Variants in KRAS observed in about 807,000 individuals in gnomAD.
The protein encoded by KRAS is GTPase KRas.
In KRAS, 1 loss-of-function variant was observed where a neutral mutation model predicts 21.0. The ratio of observed to expected loss-of-function variants is 0.05; its 90% CI spans 0.02 to 0.23. The LOEUF is 0.23. Among genes scored for constraint, KRAS ranks in the 10% least tolerant of loss-of-function variants. The pLI is 1.00. For missense variants in KRAS, 107 were observed against 221.8 expected, an observed-to-expected ratio of 0.48 and a Z score of 3.29; for synonymous variants, 67 against 72.5, an observed-to-expected ratio of 0.92 and a Z score of 0.39.
intron 2 of KRAS, among the ~76,000 whole-genome samples, chr12:25,228,176 A>ACC (rs1951417685): frequency 9.7e-6 from 1 of 103,558 alleles, no homozygotes; most frequent in African/African-American, 3.7e-5. Flanking sequence ...TTTTTCTTTC[A>ACC]TCTTTTTTTT....
At chr12:25,216,921 G>C (rs1439894874) in intron 4 of KRAS, among the ~76,000 whole-genome samples, 2 of 152,102 alleles carry the variant, frequency 1.3e-5, no homozygotes, top group African/African-American at 4.8e-5. Context: ...TCTTCTAACA[G>C]AAAGGTGAAT....
intron 1 of KRAS, among the ~76,000 whole-genome samples, chr12:25,246,583 T>C (rs767013150): frequency 1.3e-5 from 2 of 150,252 alleles, no homozygotes; most frequent in Admixed American, 6.6e-5. Context: ...ACAAAAAGAT[T>C]AGAGATAAAC....
chr12:25,229,136 A>T (rs7137630), intron 2 of KRAS, among the ~76,000 whole-genome samples: 86,313 of 151,982 alleles, frequency 0.57, 24,733 homozygotes, highest in East Asian at 0.8. Context: ...ACAAAAAAAA[A>T]TTTTTTAAAG....
In KRAS at chr12:25,209,283, A is replaced by T; in HGVS notation, c.*512T>A. On this transcript the variant is annotated 3_prime_UTR_variant, in exon 5 of 5. Transcript: ENST00000311936. ...TTGTGAACAGTGTAACTTTACATTC[A>T]TCAGGGATGACAAACTATAGGACAT... The T allele has an allele frequency of 1.5e-6, 1 of 645,834 alleles. No individual in the cohort carries two copies. Among genetic ancestry groups the T allele is most frequent in the Non-Finnish European group, 2.8e-6 (1 of 359,588 alleles). The allele number at this position is 645,834 out of a possible 1,614,324, so 40.0% of individuals were successfully genotyped here. A position where few individuals can be genotyped will look rare whatever the true frequency, so the allele number is the denominator to read the frequency against.
At chr12:25,237,716 G>C (rs1276852781) in intron 2 of KRAS, among the ~76,000 whole-genome samples, 1 of 152,104 alleles carries the variant, frequency 6.6e-6, no homozygotes, top group South Asian at 2.1e-4. Flanking sequence ...ACTGCATACA[G>C]GACTTTATAC....
intron 3 of KRAS, among the ~76,000 whole-genome samples, chr12:25,226,347 A>C (rs1951391443): frequency 6.6e-6 from 1 of 152,162 alleles, no homozygotes; most frequent in South Asian, 2.1e-4. Flanking sequence ...ACATTCCCTC[A>C]CAATTTTAGG....
At chr12:25,247,381 G>A (rs772674564) in intron 1 of KRAS, among the ~76,000 whole-genome samples, 2 of 152,124 alleles carry the variant, frequency 1.3e-5, no homozygotes, top group Admixed American at 6.5e-5. Context: ...TATCACACAC[G>A]GTCACGGCAT....
chr12:25,246,286 G>A (rs1165423156), intron 1 of KRAS, among the ~76,000 whole-genome samples: 5 of 152,152 alleles, frequency 3.3e-5, no homozygotes, highest in South Asian at 2.1e-4. Context: ...AGCCGGGTGC[G>A]GCGGCTCATG....
In KRAS at chr12:25,209,922, T is replaced by C. The variant is rs369047577; in HGVS notation, c.451-11A>G. On this transcript the variant is annotated splice_polypyrimidine_tract_variant and intron_variant, in intron 4 of 4. Transcript: ENST00000311936. ...GGCATCATCAACACCCTGAAATACA[T>C]AAAAAGTATTAAAATGTGAATATAT... is the stretch of plus-strand genomic sequence containing the variant. 134 of 1,591,780 alleles carry C rather than the reference T, an allele frequency of 8.4e-5. No homozygotes were observed. Among genetic ancestry groups the C allele is most frequent in the Non-Finnish European group, 1.1e-4 (124 of 1,164,380 alleles).
intron 2 of KRAS, among the ~76,000 whole-genome samples, chr12:25,244,372 A>G (rs1205649531): frequency 6.6e-6 from 1 of 152,216 alleles, no homozygotes; most frequent in Non-Finnish European, 1.5e-5. Context: ...CGATATGCTT[A>G]TTTTCCATCT....
chr12:25,240,802 G>A (rs764215951), intron 2 of KRAS, among the ~76,000 whole-genome samples: 1 of 152,044 alleles, frequency 6.6e-6, no homozygotes, highest in Non-Finnish European at 1.5e-5. Context: ...ACCATGACCA[G>A]TAAAGTTTTA....
chr12:25,236,150 C>T (rs571755352), intron 2 of KRAS, among the ~76,000 whole-genome samples: 1 of 151,920 alleles, frequency 6.6e-6, no homozygotes, highest in Non-Finnish European at 1.5e-5. Flanking sequence ...AGAAGTGAAA[C>T]TGGACAATCA....
Position 25,209,177 on chromosome 12 carries a change from AT to A in KRAS, c.*617del. 9.1e-6 allele frequency: 6 copies of A among 660,922 alleles called. No individual in the cohort carries two copies. Among genetic ancestry groups the A allele is most frequent in the Admixed American group, 2.3e-5 (1 of 43,884 alleles). 40.9% of individuals were successfully genotyped at this position (660,922 alleles called of 1,614,324 possible). On this transcript the variant is annotated 3_prime_UTR_variant, in exon 5 of 5. Coordinates refer to ENST00000311936, the MANE Select transcript of KRAS (RefSeq NM_004985.5). ...TTCCATTGCCTTGTAATTTTTTTCC[AT>A]TTTTTTCTTTTTATAGAAAAAATAT... is the stretch of plus-strand genomic sequence containing the variant.
Position 25,208,581 on chromosome 12 carries a change from T to TA in KRAS, c.*1213dup, listed in dbSNP as rs1220884210. 12 of 233,266 alleles carry TA rather than the reference T, an allele frequency of 5.1e-5. No homozygotes were observed. The East Asian group carries it at 7.3e-4, about 14-fold the overall frequency. The allele number at this position is 233,266 out of a possible 1,614,324, so 14.4% of individuals were successfully genotyped here. ...TGAGTTAATATTTAAAAGTAATTTT[T>TA]AAAAAAGAGTTTGTTTTCTTAAGAA... On this transcript the variant is annotated 3_prime_UTR_variant, in exon 5 of 5. Transcript: ENST00000311936.
At chr12:25,226,972 G>A (rs1951401667) in intron 3 of KRAS, among the ~76,000 whole-genome samples, 2 of 151,946 alleles carry the variant, frequency 1.3e-5, no homozygotes, top group Non-Finnish European at 2.9e-5. Flanking sequence ...TTGTAGAATA[G>A]TCAAGAGTAC....
At chr12:25,243,812 C>T (rs180862815) in intron 2 of KRAS, among the ~76,000 whole-genome samples, 1 of 152,278 alleles carries the variant, frequency 6.6e-6, no homozygotes, top group East Asian at 1.9e-4. Flanking sequence ...ACTATTCAAA[C>T]CTCTTCAAAG....
At chr12:25,215,244 T>C (rs1951241054) in intron 4 of KRAS, 1 of 744,698 alleles carries the variant, frequency 1.3e-6, no homozygotes, top group Admixed American at 6.3e-5. Context: ...ACTACAGCCA[T>C]CAAAATTGTC....
chr12:25,238,948 T>C (rs1951575823), intron 2 of KRAS, among the ~76,000 whole-genome samples: 1 of 152,232 alleles, frequency 6.6e-6, no homozygotes, highest in South Asian at 2.1e-4. Flanking sequence ...AAAGGACATG[T>C]AGTTTACATT....
At chr12:25,229,438 T>C (rs1055501420) in intron 2 of KRAS, among the ~76,000 whole-genome samples, 1 of 152,202 alleles carries the variant, frequency 6.6e-6, no homozygotes, top group Admixed American at 6.5e-5. Context: ...AAGAGCAATA[T>C]TGTTTCATCT....
Sources: gnomAD v4.1 joint callset for allele counts (sites outside exome capture counted in the v4.1 genomes callset) on GRCh38, gnomAD v4.1.1 for gene constraint, MANE v1.5 for transcripts, NCBI Gene and HGNC (gene_info 2026-07-23, HGNC 2026-07-21) for gene names.